Variants in CCNB3 observed in about 807,000 individuals in gnomAD.
CCNB3 encodes cyclin B3.
A neutral mutation model predicts 68.0 loss-of-function variants in CCNB3; 12 were observed. That is an observed-to-expected ratio of 0.18 (90% CI 0.11 to 0.29). The LOEUF (loss-of-function observed/expected upper bound fraction) is 0.29, where lower values mean the gene tolerates loss of function less well. Among genes scored for constraint, CCNB3 ranks in the 10% least tolerant of loss-of-function variants. CCNB3 has a pLI of 1.00. For missense variants in CCNB3, 904 were observed against 993.1 expected (o/e 0.91, Z 1.21); for synonymous variants, 354 against 388.9 (o/e 0.91, Z 1.06).
chrX:50,342,582 G>C (rs1299952541), intron 9 of CCNB3, among the ~76,000 whole-genome samples: 1 of 110,261 alleles, frequency 9.1e-6, no homozygotes, highest in African/African-American at 3.3e-5. Flanking sequence ...TGGTGATGCT[G>C]GTGTAAACAA....
chrX:50,284,251 C>T (rs931923939), intron 1 of CCNB3, among the ~76,000 whole-genome samples: 6 of 111,439 alleles, frequency 5.4e-5, no homozygotes, highest in African/African-American at 2.0e-4. Context: ...AGTTTGCCCT[C>T]ACATCTGCAT....
intron 9 of CCNB3, among the ~76,000 whole-genome samples, chrX:50,344,132 A>G (rs935725717): frequency 8.9e-6 from 1 of 112,355 alleles, no homozygotes; most frequent in South Asian, 3.7e-4. Flanking sequence ...ACAATTGCCT[A>G]CAGAATTCAG....
chrX:50,300,670 A>G (rs782606509), intron 5 of CCNB3, among the ~76,000 whole-genome samples: 2 of 110,745 alleles, frequency 1.8e-5, no homozygotes, highest in Non-Finnish European at 3.8e-5. Flanking sequence ...CCTGAATTTG[A>G]ATGTTGGCCT....
At chrX:50,305,188 A>G (rs1233443715) in intron 5 of CCNB3, among the ~76,000 whole-genome samples, 1 of 112,187 alleles carries the variant, frequency 8.9e-6, no homozygotes, top group Non-Finnish European at 1.9e-5. Flanking sequence ...TCATGCTGCT[A>G]TAAAGACACA....
At chrX:50,227,723 G>T (rs1165177129) in intron 1 of CCNB3, among the ~76,000 whole-genome samples, 72 of 17,587 alleles carry the variant, frequency 4.1e-3, no homozygotes, top group African/African-American at 6.9e-3. Context: ...TAAATATATA[G>T]AGAGATAATA....
intron 5 of CCNB3, among the ~76,000 whole-genome samples, chrX:50,304,399 G>A (rs1179763867): frequency 9.0e-6 from 1 of 111,690 alleles, no homozygotes; most frequent in African/African-American, 3.3e-5. Context: ...ACAAGAAATG[G>A]GGAAATGATT....
chrX:50,327,548 C>G (rs782763420), intron 8 of CCNB3, among the ~76,000 whole-genome samples: 1 of 112,486 alleles, frequency 8.9e-6, no homozygotes, highest in Non-Finnish European at 1.9e-5. Flanking sequence ...GGCCAAGTGC[C>G]TATGTGAGGT....
At chrX:50,286,613 GT>G (rs369525241) in intron 3 of CCNB3, among the ~76,000 whole-genome samples, 3,949 of 75,305 alleles carry the variant, frequency 0.052, 104 homozygotes, top group East Asian at 0.16. Context: ...CCTCAGTTCG[GT>G]TTTTTTTTTT....
At chrX:50,285,621 T>C (rs925572083) in intron 3 of CCNB3, among the ~76,000 whole-genome samples, 8 of 111,782 alleles carry the variant, frequency 7.2e-5, no homozygotes, top group Non-Finnish European at 1.5e-4. Flanking sequence ...TATCAGCACA[T>C]ATATTATTAT....
In CCNB3 at chrX:50,309,444, T is replaced by C; in HGVS notation, c.1275T>C (p.Ser425=). The C allele has an allele frequency of 5.8e-6, 7 of 1,211,246 alleles. No individual in the cohort carries two copies. The highest frequency in any genetic ancestry group is 6.7e-6 in the Non-Finnish European group (6 of 895,125). Residue 425 remains serine (S), a synonymous_variant, in exon 6 of 13, where the codon TCT becomes TCC. Transcript: ENST00000376042. ...MKPLSIKEKP[S]TEKESFSQEP... ...CATTGTCCATTAAAGAAAAGCCATCTACTGAGAAGGAGTCCTTTTCCCAGG... is the reference window on the plus strand; with the variant it reads ...CATTGTCCATTAAAGAAAAGCCATCCACTGAGAAGGAGTCCTTTTCCCAGG...
intron 8 of CCNB3, among the ~76,000 whole-genome samples, chrX:50,330,975 A>G (rs1922564688): frequency 8.9e-6 from 1 of 111,916 alleles, no homozygotes; most frequent in African/African-American, 3.2e-5. Flanking sequence ...GATTATTTCT[A>G]AGACAGCTTG....
intron 1 of CCNB3, among the ~76,000 whole-genome samples, chrX:50,226,256 AT>A (rs1283701328): frequency 6.1e-5 from 4 of 65,173 alleles, no homozygotes; most frequent in African/African-American, 2.1e-4. Flanking sequence ...GAATATATAT[AT>A]TTATATATAT....
chrX:50,309,830 A>T lies in CCNB3; in HGVS notation c.1661A>T (p.Asp554Val), dbSNP rs138576519. 1.7e-6 allele frequency: 2 copies of T among 1,208,732 alleles called. No homozygotes were observed. Among genetic ancestry groups the T allele is most frequent in the African/African-American group, 3.5e-5 (2 of 57,381 alleles). ...SICPELLDFQ[D>V]MIGEDKNSFF... ...TGTCCAGAACTGTTGGACTTTCAGG[A>T]TATGATTGGTGAAGATAAGAATTCT... The change falls in exon 6 of 13, where the codon GAT becomes GTT. Residue 554 changes from aspartate to valine, a missense_variant. Transcript: ENST00000376042.
At chrX:50,228,110 T>C (rs1935949906) in intron 1 of CCNB3, among the ~76,000 whole-genome samples, 1 of 89,850 alleles carries the variant, frequency 1.1e-5, no homozygotes, top group South Asian at 5.0e-4. Context: ...ATATAGAGAA[T>C]ATATAAATAA....
chrX:50,285,089 C>A, intron 2 of CCNB3, 38 bp from the exon 3 acceptor site: 2 of 747,555 alleles, frequency 2.7e-6, no homozygotes, highest in Admixed American at 4.6e-5. Flanking sequence ...TATCGTGTTT[C>A]TGGTGAATGG....
chrX:50,310,647 C>T lies in CCNB3; in HGVS notation c.2478C>T (p.His826=). The change falls in exon 6 of 13, where the codon CAC becomes CAT. Residue 826 remains histidine, a synonymous_variant. Coordinates refer to ENST00000376042, the MANE Select transcript of CCNB3 (RefSeq NM_033031.3). ...LKEPTIDTEA[H]FKEPLALQEE... is the part of the protein sequence containing the mutation. The stretch of plus-strand genomic sequence containing the variant: ...AGCCCACTATTGACACAGAAGCTCA[C>T]TTTAAGGAACCTTTGGCCTTGCAGG... The T allele has an allele frequency of 8.3e-7, 1 of 1,211,312 alleles. No homozygotes were observed. Among genetic ancestry groups the T allele is most frequent in the African/African-American group, 1.7e-5 (1 of 57,790 alleles).
chrX:50,227,529 AAT>A (rs1208225148), intron 1 of CCNB3, among the ~76,000 whole-genome samples: 1 of 89,209 alleles, frequency 1.1e-5, no homozygotes, highest in Non-Finnish European at 2.1e-5. Context: ...ATATGGAGAG[AAT>A]ATATATAAAT....
chrX:50,204,815 C>CCTCTCTCTCTCTCTCTCT lies in CCNB3; in HGVS notation c.-245_-228dup, dbSNP rs201606857. 1 of 102,244 alleles carries CCTCTCTCTCTCTCTCTCT rather than the reference C, an allele frequency of 9.8e-6. No homozygotes were observed. The highest frequency in any genetic ancestry group is 2.0e-5 in the Non-Finnish European group (1 of 50,031). The allele number at this position is 102,244 out of a possible 1,213,427, so 8.4% of individuals were successfully genotyped here. ...ACAGTTGGGCTGAGGCGGTTGGTCG[C>CCTCTCTCTCTCTCTCTCT]CTCTCTCTCTCTCTCTCTCTGTTCC... On this transcript the variant is annotated 5_prime_UTR_variant, in exon 1 of 13. Transcript: ENST00000376042.
At chrX:50,219,165 T>C (rs1443799378) in intron 1 of CCNB3, among the ~76,000 whole-genome samples, 3 of 112,122 alleles carry the variant, frequency 2.7e-5, no homozygotes, top group Non-Finnish European at 1.9e-5. Flanking sequence ...AGATTCTGGA[T>C]ATTAGCCCTT....
Sources: allele counts gnomAD v4.1 joint callset (sites outside exome capture counted in the v4.1 genomes callset), GRCh38; gene constraint gnomAD v4.1.1; transcripts MANE v1.5; gene names NCBI Gene and HGNC (gene_info 2026-07-23, HGNC 2026-07-21).